Variants in MYH7B observed in about 807,000 individuals in gnomAD.
MYH7B encodes the protein myosin heavy chain 7B.
MYH7B carries 205 observed loss-of-function variants against 234.5 expected under a neutral mutation model. That is an observed-to-expected ratio of 0.87 (90% confidence interval 0.78 to 0.98). The LOEUF (loss-of-function observed/expected upper bound fraction) is 0.98. Ranked by LOEUF, MYH7B falls within the 50% of genes least tolerant of loss-of-function variation. The pLI, the probability that MYH7B is intolerant of heterozygous loss-of-function variation, is 0.00. For missense variants in MYH7B, 2,652 were observed against 2,633.4 expected (o/e 1.01, Z -0.15); for synonymous variants, 1,193 against 1,105.0 (o/e 1.08, Z -1.58).
intron 5 of MYH7B, among the ~76,000 whole-genome samples, chr20:34,978,849 G>T (rs1208243794): frequency 6.6e-6 from 1 of 152,192 alleles, no homozygotes; most frequent in Non-Finnish European, 1.5e-5. Flanking sequence ...CAGAGCAGGG[G>T]ACACAAACTC....
intron 2 of MYH7B, among the ~76,000 whole-genome samples, chr20:34,974,518 T>C (rs760441115): frequency 7.2e-5 from 11 of 152,126 alleles, no homozygotes; most frequent in Non-Finnish European, 1.2e-4. Flanking sequence ...ACGAGGAAGA[T>C]CTAGACCCAT....
chr20:34,979,446 A>G, exon 6 of MYH7B: 1 of 1,613,992 alleles, frequency 6.2e-7, no homozygotes, highest in Non-Finnish European at 8.5e-7. Context: ...GGCCGAGGTC[A>G]AGTCGGAGGC....
chr20:34,987,407 G>A lies in MYH7B; in HGVS notation c.1147+120G>A. The A allele has an allele frequency of 2.7e-6, 4 of 1,464,954 alleles. No individual in the cohort carries two copies. The South Asian group carries it at 5.1e-5, about 19-fold the overall frequency. The allele number at this position is 1,464,954 out of a possible 1,614,324, so 90.7% of individuals were successfully genotyped here. A position where few individuals can be genotyped will look rare whatever the true frequency, so the allele number is the denominator to read the frequency against. On this transcript the variant is annotated intron_variant, in intron 16 of 44. Coordinates refer to ENST00000262873, the Ensembl canonical transcript of MYH7B. ...AGTCTTACCTGGCCCTGCCTCCTCA[G>A]CTCCAAACCCTTACCCTCCTGAGGC...
chr20:34,981,854 G>GGAAAA (rs1491586831), intron 9 of MYH7B: 2 of 65,956 alleles, frequency 3.0e-5, no homozygotes, highest in African/African-American at 1.3e-4. Flanking sequence ...TCCATCTCAC[G>GGAAAA]AAAAAAAAAA....
chr20:34,982,620 C>T, intron 10 of MYH7B, 65 bp downstream of exon 10: 5 of 1,325,486 alleles, frequency 3.8e-6, no homozygotes, highest in Non-Finnish European at 5.1e-6. Flanking sequence ...CTTTCTTCCT[C>T]TCTTTTTTTT....
At chr20:34,980,825 GC>G in intron 8 of MYH7B, 91 bp downstream of exon 8, 3 of 1,553,164 alleles carry the variant, frequency 1.9e-6, no homozygotes, top group Non-Finnish European at 1.8e-6. Flanking sequence ...CACTGGCACT[GC>G]CCCCCTTTTG....
exon 13 of MYH7B, chr20:34,985,122 T>C: frequency 6.2e-7 from 1 of 1,614,050 alleles, no homozygotes; most frequent in South Asian, 1.1e-5. Flanking sequence ...CCGCGGATAT[T>C]GACAGCTGTG....
At chr20:34,981,160 A>C in intron 9 of MYH7B, 100 bp downstream of exon 9, 1 of 1,480,800 alleles carries the variant, frequency 6.8e-7, no homozygotes, top group Non-Finnish European at 9.3e-7. Context: ...CAAAGTGCTT[A>C]GGCCAGGACT....
exon 25 of MYH7B, chr20:34,993,209 A>T: frequency 6.2e-7 from 1 of 1,613,892 alleles, no homozygotes; most frequent in Non-Finnish European, 8.5e-7. Context: ...ACCCAGTACC[A>T]GTTTGGCCAC....
rs780061055 is a variant in MYH7B, at chr20:34,995,306, C to A, written c.2701-30C>A. ...TCTGCTGGTTTACCTGGCCCTCCCC[C>A]AACCTGGCCCCGTTCCGTGTGCCCT... is the stretch of plus-strand genomic sequence containing the variant. On this transcript the variant is annotated intron_variant, in intron 27 of 44. Transcript: ENST00000262873. 9 of 1,600,234 alleles carry A rather than the reference C, an allele frequency of 5.6e-6. No homozygotes were observed. The Middle Eastern group carries it at 8.7e-4, about 155-fold the overall frequency.
chr20:34,977,562 TGTGGCCAGGCTGGGGGGGCTGTGACAC>T lies in MYH7B; in HGVS notation c.-121-65_-121-39del, dbSNP rs1196832116. On this transcript the variant is annotated intron_variant, in intron 3 of 44. Coordinates refer to ENST00000262873, the Ensembl canonical transcript of MYH7B. ...AAAAGGGAATTTGCCTTTTGTGTCC[TGTGGCCAGGCTGGGGGGGCTGTGACAC>T]GTGGAGATTGCTGACATAGCTCTCC... is the stretch of plus-strand genomic sequence containing the variant. The T allele has an allele frequency of 8.1e-6, 12 of 1,478,832 alleles. No individual in the cohort carries two copies. In the East Asian group the frequency reaches 2.9e-4, roughly 36 times the overall value. 91.6% of individuals were successfully genotyped at this position (1,478,832 alleles called of 1,614,324 possible). A position where few individuals can be genotyped will look rare whatever the true frequency, so the allele number is the denominator to read the frequency against.
At chr20:34,973,242 G>A (rs2147159849) in intron 2 of MYH7B, among the ~76,000 whole-genome samples, 1 of 152,268 alleles carries the variant, frequency 6.6e-6, no homozygotes, top group Non-Finnish European at 1.5e-5. Flanking sequence ...AAAGTGCAGG[G>A]ATTATGGGCA....
In MYH7B at chr20:35,000,276, C is replaced by T; in HGVS notation, c.4782-17C>T. 6.5e-7 allele frequency: 1 copy of T among 1,548,746 alleles called. No individual in the cohort carries two copies. The highest frequency in any genetic ancestry group is 1.4e-5 in the African/African-American group (1 of 73,654). Reference sequence around the variant, plus strand: ...TGCCCTTACGAGACCCCCTTTCATGCCACCCTCCTCCCATAGGCGCAACCA... The same window carrying T: ...TGCCCTTACGAGACCCCCTTTCATGTCACCCTCCTCCCATAGGCGCAACCA... On this transcript the variant is annotated splice_polypyrimidine_tract_variant and intron_variant, in intron 38 of 44. Transcript: ENST00000262873.
intron 10 of MYH7B, among the ~76,000 whole-genome samples, chr20:34,984,101 T>C (rs544546801): frequency 1.5e-3 from 231 of 152,294 alleles, no homozygotes; most frequent in Non-Finnish European, 2.4e-3. Flanking sequence ...GCAGATCCAC[T>C]CCCTGCCCAG....
intron 2 of MYH7B, among the ~76,000 whole-genome samples, chr20:34,968,372 T>C (rs1336662173): frequency 6.6e-6 from 1 of 152,244 alleles, no homozygotes; most frequent in African/African-American, 2.4e-5. Flanking sequence ...GCATGTGTTA[T>C]TTCATTGAAT....
Position 34,995,513 on chromosome 20 carries a change from G to A in MYH7B, c.2878G>A (p.Asp960Asn), listed in dbSNP as rs2082239898. 3.7e-6 allele frequency: 6 copies of A among 1,614,094 alleles called. No individual in the cohort carries two copies. The African/African-American group carries it at 4.0e-5, about 11-fold the overall frequency. ...GGACGAGTGCACGGAGCTCAAGAAG[G>A]ACATTGATGACCTGGAGCTGACACT... Residue 960 changes from aspartate to asparagine, a missense_variant, in exon 28 of 45, where the codon GAC becomes AAC. This residue lies in a region of MYH7B where 2,279 missense variants were observed against 2,211.4 expected (regional missense o/e 1.03). Coordinates refer to ENST00000262873, the Ensembl canonical transcript of MYH7B.
chr20:34,980,057 T>C (rs1885118), intron 7 of MYH7B: 325,096 of 529,432 alleles, frequency 0.61, 102,549 homozygotes, highest in Admixed American at 0.75. Context: ...GGGGCGGGTC[T>C]AGAACTCACC....
At position 34,999,292 on chromosome 20, in the gene MYH7B, CGGCACAGAGGGAGTCCCGTGGCCTG is replaced by C. The variant is rs765562747; in HGVS notation, c.4433_4457del (p.Gln1478ProfsTer38). 2 of 1,589,128 alleles carry C rather than the reference CGGCACAGAGGGAGTCCCGTGGCCTG, an allele frequency of 1.3e-6. No individual in the cohort carries two copies. The highest frequency in any genetic ancestry group is 1.7e-6 in the Non-Finnish European group (2 of 1,167,692). On this transcript the variant is annotated frameshift_variant, in exon 36 of 45. Transcript: ENST00000262873. LOFTEE classifies it high-confidence loss of function. ...GAGGAGATGCAGCGGGAGCTGGAGG[CGGCACAGAGGGAGTCCCGTGGCCTG>C]GGCACCGAGCTCTTCCGGCTGCGGC... is the stretch of plus-strand genomic sequence containing the variant.
chr20:34,989,911 G>A lies in MYH7B; in HGVS notation c.1759G>A (p.Ala587Thr), dbSNP rs1268119373. The change falls in exon 20 of 45, where the codon GCA becomes ACA. Residue 587 changes from alanine to threonine, a missense_variant. Physicochemically the swap from Ala to Thr is moderately conservative, Grantham distance 58. This residue lies in a region of MYH7B where 2,279 missense variants were observed against 2,211.4 expected (regional missense o/e 1.03). Transcript: ENST00000262873. ...GGCCCACTTCGAGGTGGTCCACTACGCAGGCGTGGTAGGTGCTTGCTGGAA... is the reference window on the plus strand; with the variant it reads ...GGCCCACTTCGAGGTGGTCCACTACACAGGCGTGGTAGGTGCTTGCTGGAA... 1.2e-6 allele frequency: 2 copies of A among 1,614,036 alleles called. No homozygotes were observed. The highest frequency in any genetic ancestry group is 2.2e-5 in the South Asian group (2 of 91,078).
Sources: gnomAD v4.1 joint callset for allele counts (sites outside exome capture counted in the v4.1 genomes callset) on GRCh38, gnomAD v4.1.1 for gene constraint, gnomAD v4.1.1 regional missense constraint, MANE v1.5 for transcripts, NCBI Gene and HGNC (gene_info 2026-07-23, HGNC 2026-07-21) for gene names.